Variants in MVK observed in about 807,000 individuals in gnomAD.
MVK encodes the protein LH receptor mRNA-binding protein.
MVK carries 34 observed loss-of-function variants against 43.2 expected under a neutral mutation model. The observed-to-expected ratio is 0.79, with a 90% CI of 0.60 to 1.05. The LOEUF (loss-of-function observed/expected upper bound fraction) is 1.05. Among genes scored for constraint, MVK ranks in the 50% least tolerant of loss-of-function variants. The pLI is 0.00. For synonymous variants in MVK, 190 were observed against 219.8 expected (o/e 0.86, Z 1.20); for missense variants, 395 against 504.0 (o/e 0.78, Z 2.07).
rs1325994522 is a variant in MVK at position 109,581,386 on chromosome 12, G to A, written c.372-9G>A. 2.0e-5 allele frequency: 32 copies of A among 1,613,520 alleles called. No individual in the cohort carries two copies. The highest frequency in any genetic ancestry group is 1.8e-4 in the Middle Eastern group (1 of 5,684). ...GGAGAGTCACGTTTCACACCCTGGT[G>A]TGTTTCAGGGCCCTGCCGAGCCTGG... On this transcript the variant is annotated splice_polypyrimidine_tract_variant and intron_variant, in intron 4 of 10. Transcript: ENST00000228510.
rs188176995 is a variant in MVK at position 109,575,188 on chromosome 12, G to A, written c.78+288G>A. Among the ~76,000 whole-genome samples, 3 of 152,238 alleles carry A rather than the reference G, an allele frequency of 2.0e-5. No homozygotes were observed. The East Asian group carries it at 5.8e-4, about 29-fold the overall frequency. ...GAAAGAGGTTTGAGAACTGAGCTCC[G>A]GGGCACTAAGACATTTAGAAGTTGG... On this transcript the variant is annotated intron_variant, in intron 2 of 10. Transcript: ENST00000228510.
At chr12:109,573,497 C>T (rs1884752370), upstream of MVK, 1 of 1,591,618 alleles carries the variant, frequency 6.3e-7, no homozygotes, top group South Asian at 1.1e-5. Flanking sequence ...GGCTGCTTGA[C>T]GGGACCTGAC....
Position 109,581,542 on chromosome 12 carries a change from C to G in MVK, c.519C>G (p.Cys173Trp). The G allele has an allele frequency of 6.2e-7, 1 of 1,614,210 alleles. No individual in the cohort carries two copies. The highest frequency in any genetic ancestry group is 8.5e-7 in the Non-Finnish European group (1 of 1,180,018). The change falls in exon 5 of 11, where the codon TGC becomes TGG. Residue 173 changes from cysteine to tryptophan, a missense_variant. Cys to Trp is a radical substitution (Grantham distance 215). Transcript: ENST00000228510. The part of the protein sequence containing the change: ...EIPNPLKDGD[C>W]VNRWTKEDLE... ...CAAACCCGCTGAAGGACGGGGATTG[C>G]GTCAACAGGTAACCATGGTCCTTAC...
rs771077589 is a variant in MVK at position 109,595,001 on chromosome 12, G to A, written c.886-27G>A. On this transcript the variant is annotated intron_variant, in intron 9 of 10. Coordinates refer to ENST00000228510, the MANE Select transcript of MVK (RefSeq NM_000431.4). The surrounding 1 kb of genome is among the most constrained non-coding windows in gnomAD (Gnocchi z 5.9). ...GACCTTGGCCTCAGGCAGGCCAAGTGGGAACAGATGGAACCTTCTCCCCTA... is the reference window on the plus strand; with the variant it reads ...GACCTTGGCCTCAGGCAGGCCAAGTAGGAACAGATGGAACCTTCTCCCCTA... 10 of 1,613,826 alleles carry A rather than the reference G, an allele frequency of 6.2e-6. No homozygotes were observed. In the African/African-American group the frequency reaches 1.3e-4, roughly 22 times the overall value.
intron 3 of MVK, among the ~76,000 whole-genome samples, chr12:109,576,579 G>C (rs537729585): frequency 1.3e-5 from 2 of 152,190 alleles, no homozygotes; most frequent in South Asian, 4.2e-4. Flanking sequence ...ATTAAAAATT[G>C]ATAAAAGTAG....
In MVK at chr12:109,597,522, G is replaced by A. The variant is rs564131129; in HGVS notation, c.*945G>A. On this transcript the variant is annotated 3_prime_UTR_variant, in exon 11 of 11. Coordinates refer to ENST00000228510, the MANE Select transcript of MVK (RefSeq NM_000431.4). ...TAGCTCCAGAATCACAAGCACCCAC[G>A]AGAGCACAGACCTGTGTAAGACAGG... 6.6e-6 allele frequency: 1 copy of A among 152,382 alleles called. No individual in the cohort carries two copies. The highest frequency in any genetic ancestry group is 2.4e-5 in the African/African-American group (1 of 41,564). 9.4% of individuals were successfully genotyped at this position (152,382 alleles called of 1,614,324 possible).
chr12:109,580,021 G>T, intron 4 of MVK, 75 bp downstream of exon 4: 2 of 1,593,916 alleles, frequency 1.3e-6, no homozygotes, highest in South Asian at 1.1e-5. Flanking sequence ...TGTCATTGCT[G>T]CTGGAGAATG....
chr12:109,586,324 G>A (rs1052239549), intron 6 of MVK, among the ~76,000 whole-genome samples, 199 bp downstream of exon 6: 3 of 152,212 alleles, frequency 2.0e-5, no homozygotes, highest in Admixed American at 1.3e-4. Context: ...ATCTCCGGGG[G>A]TGGAACTGGG....
chr12:109,590,822 C>G lies in MVK; in HGVS notation c.729C>G (p.Thr243=), dbSNP rs755230199. Residue 243 remains threonine (T), a synonymous_variant, in exon 8 of 11, where the codon ACC becomes ACG. Transcript: ENST00000228510. ...CCAACACCAAAGTCCCTCGCAATAC[C>G]AGGGCCCTTGTGGCTGGCGTCAGAA... ...LLTNTKVPRN[T]RALVAGVRNR... is the part of the protein sequence containing the mutation. 5 of 1,614,092 alleles carry G rather than the reference C, an allele frequency of 3.1e-6. No individual in the cohort carries two copies. The African/African-American group carries it at 6.7e-5, about 22-fold the overall frequency.
intron 9 of MVK, among the ~76,000 whole-genome samples, chr12:109,592,331 C>T (rs1885723870): frequency 6.6e-6 from 1 of 152,198 alleles, no homozygotes; most frequent in Admixed American, 6.5e-5. Context: ...GTCCACCTGG[C>T]CTGGTGAATA....
Position 109,596,686 on chromosome 12 carries a change from TG to T in MVK, c.*111del. 1 of 1,461,618 alleles carries T rather than the reference TG, an allele frequency of 6.8e-7. No homozygotes were observed. The highest frequency in any genetic ancestry group is 1.2e-5 in the South Asian group (1 of 84,748). The allele number at this position is 1,461,618 out of a possible 1,614,324, so 90.5% of individuals were successfully genotyped here. On this transcript the variant is annotated 3_prime_UTR_variant, in exon 11 of 11. Transcript: ENST00000228510. Reference sequence around the variant, plus strand: ...GCGAGCGCCCAGCTCCTGACACTGCTGGAGAGGCCCCAGCCGCTTGGCGATG... The same window carrying T: ...GCGAGCGCCCAGCTCCTGACACTGCTGAGAGGCCCCAGCCGCTTGGCGATG...
intron 5 of MVK, among the ~76,000 whole-genome samples, chr12:109,582,743 T>A (rs1026816931): frequency 6.6e-6 from 1 of 152,032 alleles, no homozygotes; most frequent in Admixed American, 6.5e-5. Flanking sequence ...GACTCACATT[T>A]GTTGAGAGGG....
At chr12:109,582,913 A>C (rs1885282340) in intron 5 of MVK, among the ~76,000 whole-genome samples, 2 of 151,986 alleles carry the variant, frequency 1.3e-5, no homozygotes. Flanking sequence ...TGCACCCCAC[A>C]CACACACCTT....
rs761414946 is a variant in MVK at position 109,591,372 on chromosome 12, G to A, written c.885+15G>A. ...TCGTGCTGGAAGTAAGAGCCTGTCT[G>A]CAGGAACCGGGGTTACTGAGTCCAC... is the stretch of plus-strand genomic sequence containing the variant. On this transcript the variant is annotated intron_variant, in intron 9 of 10. Transcript: ENST00000228510. 1.6e-5 allele frequency: 25 copies of A among 1,610,370 alleles called. No individual in the cohort carries two copies. The highest frequency in any genetic ancestry group is 2.1e-5 in the Non-Finnish European group (25 of 1,177,070).
Position 109,595,299 on chromosome 12 carries a change from C to A in MVK, c.1039+118C>A. 7.5e-7 allele frequency: 1 copy of A among 1,338,572 alleles called. No individual in the cohort carries two copies. The highest frequency in any genetic ancestry group is 1.0e-6 in the Non-Finnish European group (1 of 983,822). The allele number at this position is 1,338,572 out of a possible 1,614,324, so 82.9% of individuals were successfully genotyped here. On this transcript the variant is annotated intron_variant, in intron 10 of 10. Transcript: ENST00000228510. The surrounding 1 kb of genome is among the most constrained non-coding windows in gnomAD (Gnocchi z 5.9). ...AACAGGTCTCAGCTCCGCTGTGTGG[C>A]CTTGGGCAAGTTAGTTAACCTCTGG...
chr12:109,581,196 T>C (rs542744634), intron 4 of MVK, among the ~76,000 whole-genome samples, 199 bp from the exon 5 acceptor site: 246 of 152,294 alleles, frequency 1.6e-3, no homozygotes, highest in African/African-American at 5.6e-3. Flanking sequence ...TTAAATGAAC[T>C]TGATACCTGT....
intron 7 of MVK, 30 bp downstream of exon 7, chr12:109,586,829 C>T: frequency 6.2e-7 from 1 of 1,612,630 alleles, no homozygotes; most frequent in Non-Finnish European, 8.5e-7. Flanking sequence ...GCACATTCAG[C>T]CATGGCTGCA....
rs907740769 is a variant in MVK, at chr12:109,596,745, C to T, written c.*168C>T. 5 of 1,008,026 alleles carry T rather than the reference C, an allele frequency of 5.0e-6. No individual in the cohort carries two copies. The highest frequency in any genetic ancestry group is 6.1e-4 in the Middle Eastern group (2 of 3,262). 62.4% of individuals were successfully genotyped at this position (1,008,026 alleles called of 1,614,324 possible). ...AGCTCTGCAGTCCCAGCGGTGGGAC[C>T]TAGGGAGGCATGGTCTGCCCTCTGC... On this transcript the variant is annotated 3_prime_UTR_variant, in exon 11 of 11. Transcript: ENST00000228510.
chr12:109,579,391 T>C (rs553138965), intron 3 of MVK: 280 of 352,486 alleles, frequency 7.9e-4, no homozygotes, highest in African/African-American at 5.6e-3. Flanking sequence ...CTGCCCACCT[T>C]GGCCTCCCAA....
Sources: gnomAD v4.1 joint callset for allele counts (sites outside exome capture counted in the v4.1 genomes callset) on GRCh38, gnomAD v4.1.1 for gene constraint, Gnocchi (gnomAD v3.1) non-coding constraint, MANE v1.5 for transcripts, NCBI Gene and HGNC (gene_info 2026-07-23, HGNC 2026-07-21) for gene names.